The following RNLS variants were observed in gnomAD, a reference collection of about 807,000 sequenced individuals.
RNLS encodes renalase, FAD dependent amine oxidase.
RNLS carries 39 observed loss-of-function variants against 39.8 expected under a neutral mutation model. The observed-to-expected ratio is 0.98, with a 90% confidence interval of 0.76 to 1.28. RNLS has a LOEUF of 1.28. Ranked by LOEUF, RNLS falls within the 50% of genes most tolerant of loss-of-function variation. RNLS has a pLI of 0.00. For synonymous variants in RNLS, 147 were observed against 150.7 expected, an observed-to-expected ratio of 0.98 and a Z score of 0.18; for missense variants, 410 against 413.3, an observed-to-expected ratio of 0.99 and a Z score of 0.07.
chr10:88,573,205 T>C (rs1425039538), intron 3 of RNLS, 144 bp from the exon 4 acceptor site: 3 of 698,220 alleles, frequency 4.3e-6, no homozygotes. Flanking sequence ...CTTCCTTTAC[T>C]TTCTTTCTAA....
chr10:88,265,666 G>A, the RNLS span, among the ~76,000 whole-genome samples: 2 of 152,144 alleles, frequency 1.3e-5, no homozygotes, highest in Non-Finnish European at 1.5e-5. Flanking sequence ...CGCTGTTGGT[G>A]TATAGCAGAA....
the RNLS span, among the ~76,000 whole-genome samples, chr10:88,228,913 A>G: frequency 2.6e-5 from 4 of 151,900 alleles, no homozygotes; most frequent in Non-Finnish European, 2.9e-5. Flanking sequence ...CTCCTACTCA[A>G]TGTAGGGAGT....
chr10:88,362,473 A>G, intron 5 of RNLS, 79 bp downstream of exon 5: 1 of 1,301,646 alleles, frequency 7.7e-7, no homozygotes, highest in Non-Finnish European at 1.1e-6. Flanking sequence ...CAGAATGGCA[A>G]CACTCAATTA....
At chr10:88,488,936 T>C (rs917744032) in intron 4 of RNLS, among the ~76,000 whole-genome samples, 1 of 152,218 alleles carries the variant, frequency 6.6e-6, no homozygotes. Flanking sequence ...TCAGACTGCA[T>C]GGCCTCTTTT....
chr10:88,519,120 C>A (rs1055948965), intron 4 of RNLS, among the ~76,000 whole-genome samples: 2 of 151,988 alleles, frequency 1.3e-5, no homozygotes, highest in African/African-American at 2.4e-5. Flanking sequence ...CTGGGATCCT[C>A]CCAGGCATTT....
intron 4 of RNLS, among the ~76,000 whole-genome samples, chr10:88,377,573 T>C (rs1466195729): frequency 6.6e-6 from 1 of 152,134 alleles, no homozygotes; most frequent in East Asian, 1.9e-4. Context: ...CTGTAACACA[T>C]GTTACGTATT....
In RNLS at chr10:88,285,004, T is replaced by C. The variant is rs1843168957; in HGVS notation, c.*350A>G. ...ATTATTCTTTATTCAGAATTGAAATTTTCATAAGGATAATCAAGTTTTTGG... is the reference window on the plus strand; with the variant it reads ...ATTATTCTTTATTCAGAATTGAAATCTTCATAAGGATAATCAAGTTTTTGG... On this transcript the variant is annotated 3_prime_UTR_variant, in exon 7 of 7. Coordinates refer to ENST00000331772, the MANE Select transcript of RNLS (RefSeq NM_001031709.3). 1.0e-6 allele frequency: 1 copy of C among 999,108 alleles called. No homozygotes were observed. The allele number at this position is 999,108 out of a possible 1,614,324, so 61.9% of individuals were successfully genotyped here.
At chr10:88,519,596 C>G (rs377652732) in intron 4 of RNLS, among the ~76,000 whole-genome samples, 1 of 151,082 alleles carries the variant, frequency 6.6e-6, no homozygotes, top group Admixed American at 6.6e-5. Context: ...TATTAAAATG[C>G]AGTATCTCTA....
At chr10:88,366,973 A>T (rs1850164460) in intron 4 of RNLS, among the ~76,000 whole-genome samples, 1 of 151,916 alleles carries the variant, frequency 6.6e-6, no homozygotes, top group Non-Finnish European at 1.5e-5. Flanking sequence ...TGTCTGGTTC[A>T]TGAATTGCTA....
chr10:88,338,918 T>C (rs904285302), intron 5 of RNLS, among the ~76,000 whole-genome samples: 2 of 152,108 alleles, frequency 1.3e-5, no homozygotes, highest in Admixed American at 6.5e-5. Flanking sequence ...CCCGCCACCA[T>C]GCCTGGCTAA....
chr10:88,567,742 A>C (rs975425969), intron 4 of RNLS, among the ~76,000 whole-genome samples: 1 of 152,214 alleles, frequency 6.6e-6, no homozygotes, highest in African/African-American at 2.4e-5. Context: ...TTATTTCTGC[A>C]TAGTAGAAAT....
chr10:88,521,707 G>A (rs112113348), intron 4 of RNLS, among the ~76,000 whole-genome samples: 14 of 152,162 alleles, frequency 9.2e-5, no homozygotes, highest in African/African-American at 3.4e-4. Flanking sequence ...TGATGACACA[G>A]AACTGGGGCT....
chr10:88,229,946 T>C, the RNLS span, among the ~76,000 whole-genome samples: 1 of 152,216 alleles, frequency 6.6e-6, no homozygotes, highest in Non-Finnish European at 1.5e-5. Flanking sequence ...TCCATTCCTT[T>C]GCTTCTTTTG....
the RNLS span, among the ~76,000 whole-genome samples, chr10:88,173,652 A>T: frequency 2.0e-5 from 3 of 152,164 alleles, no homozygotes; most frequent in African/African-American, 7.2e-5. Context: ...GCCCTCTACA[A>T]GTTCAGTGGT....
chr10:88,315,700 TACTC>T (rs1290329545), intron 5 of RNLS, among the ~76,000 whole-genome samples: 3 of 151,556 alleles, frequency 2.0e-5, no homozygotes, highest in Non-Finnish European at 4.4e-5. Context: ...ATAAGCCACT[TACTC>T]ACTATGTGCC....
the RNLS span, among the ~76,000 whole-genome samples, chr10:88,254,911 A>G: frequency 6.6e-6 from 1 of 152,246 alleles, no homozygotes; most frequent in African/African-American, 2.4e-5. Flanking sequence ...GGGAAGAAAC[A>G]TCATGCCTTC....
the RNLS span, among the ~76,000 whole-genome samples, chr10:88,233,515 C>G: frequency 5.3e-5 from 8 of 152,080 alleles, no homozygotes; most frequent in Non-Finnish European, 7.4e-5. Context: ...GTTTGCCTGA[C>G]AAAATAAAAG....
At chr10:88,216,101 A>G in the RNLS span, among the ~76,000 whole-genome samples, 5 of 152,226 alleles carry the variant, frequency 3.3e-5, no homozygotes, top group African/African-American at 1.2e-4. Context: ...AGAGTTCATA[A>G]AAGCTATATA....
intron 4 of RNLS, among the ~76,000 whole-genome samples, chr10:88,475,716 G>A (rs1053256048): frequency 6.6e-6 from 1 of 152,054 alleles, no homozygotes; most frequent in Non-Finnish European, 1.5e-5. Flanking sequence ...CTGGCTTTTG[G>A]GGGGTGGGAC....
Sources: gnomAD v4.1 joint callset for allele counts (sites outside exome capture counted in the v4.1 genomes callset) on GRCh38, gnomAD v4.1.1 for gene constraint, MANE v1.5 for transcripts, NCBI Gene and HGNC (gene_info 2026-07-23, HGNC 2026-07-21) for gene names.